TRPC5: variants seen among roughly 807,000 people sequenced by gnomAD.
The protein encoded by TRPC5 is short transient receptor potential channel 5.
A neutral mutation model predicts 56.5 loss-of-function variants in TRPC5; 9 were observed. That is an observed-to-expected ratio of 0.16 (90% CI 0.10 to 0.28). The LOEUF (loss-of-function observed/expected upper bound fraction) is 0.28. Ranked by LOEUF, TRPC5 falls within the 10% of genes least tolerant of loss-of-function variation. The probability of loss-of-function intolerance (pLI) is 1.00; values close to 1 mark genes in which losing one functional copy is unlikely to be tolerated. For synonymous variants in TRPC5, 282 were observed against 278.5 expected, an observed-to-expected ratio of 1.01 and a Z score of -0.13; for missense variants, 469 against 748.9, an observed-to-expected ratio of 0.63 and a Z score of 4.36.
At chrX:111,788,557 T>A (rs770765168) in intron 7 of TRPC5, among the ~76,000 whole-genome samples, 1 of 111,954 alleles carries the variant, frequency 8.9e-6, no homozygotes, top group Non-Finnish European at 1.9e-5. Flanking sequence ...TTGGAAGTTC[T>A]GGCCGGGGAA....
In TRPC5 at chrX:111,836,242, GC is replaced by G. The variant is rs1239066386; in HGVS notation, c.1701-1127del. Among the ~76,000 whole-genome samples the G allele has an allele frequency of 6.2e-5, 7 of 112,164 alleles. No homozygotes were observed. In the East Asian group the frequency reaches 2.0e-3, roughly 31 times the overall value. On this transcript the variant is annotated intron_variant, in intron 6 of 10. Coordinates refer to ENST00000262839, the MANE Select transcript of TRPC5 (RefSeq NM_012471.3). Reference sequence around the variant, plus strand: ...CTTTATATTCAGAAATCTGAATACAGCAATAAAATGCAGCCAGTTCGTGGGT... The same window carrying G: ...CTTTATATTCAGAAATCTGAATACAGAATAAAATGCAGCCAGTTCGTGGGT...
chrX:111,942,502 A>G (rs1926808508), intron 2 of TRPC5, among the ~76,000 whole-genome samples: 1 of 111,401 alleles, frequency 9.0e-6, no homozygotes, highest in Admixed American at 9.5e-5. Flanking sequence ...GGGGGGCAGG[A>G]GGTATTTGTG....
intron 1 of TRPC5, among the ~76,000 whole-genome samples, chrX:111,999,252 C>T (rs756960251): frequency 1.6e-4 from 18 of 111,631 alleles, no homozygotes; most frequent in African/African-American, 5.9e-4. Context: ...TCACCAACCT[C>T]TCCACACACC....
In TRPC5 at chrX:111,984,194, C is replaced by T. The variant is rs189416905; in HGVS notation, c.-21-31753G>A. On this transcript the variant is annotated intron_variant, in intron 1 of 10. Coordinates refer to ENST00000262839, the MANE Select transcript of TRPC5 (RefSeq NM_012471.3). ...AGGATGGCAAAATCCTAAGGGCCTG[C>T]GCTGTGATTCACTTCTAGGGGACTG... Among the ~76,000 whole-genome samples the T allele has an allele frequency of 1.9e-3, 214 of 111,382 alleles. 1 individual carries two copies. Among genetic ancestry groups the T allele is most frequent in the Admixed American group, 0.01 (107 of 10,431 alleles).
intron 1 of TRPC5, among the ~76,000 whole-genome samples, chrX:111,984,673 C>T (rs188696978): frequency 1.8e-5 from 2 of 111,751 alleles, no homozygotes; most frequent in East Asian, 5.6e-4. Flanking sequence ...AGCAGAATAT[C>T]ATCAATGTAA....
At chrX:111,986,591 G>T (rs1928218459) in intron 1 of TRPC5, among the ~76,000 whole-genome samples, 1 of 110,530 alleles carries the variant, frequency 9.0e-6, no homozygotes, top group South Asian at 3.9e-4. Context: ...GCAATGCAGG[G>T]TTAATCCTCT....
intron 3 of TRPC5, among the ~76,000 whole-genome samples, chrX:111,900,145 C>G (rs1925269868): frequency 8.9e-6 from 1 of 111,837 alleles, no homozygotes; most frequent in African/African-American, 3.2e-5. Context: ...TTTCTGTACT[C>G]CAATAAATAT....
chrX:111,837,914 A>G (rs2148578798), intron 6 of TRPC5, among the ~76,000 whole-genome samples: 1 of 106,139 alleles, frequency 9.4e-6, no homozygotes, highest in East Asian at 3.0e-4. Flanking sequence ...ATCAAAAAAA[A>G]AAAAAAAAAA....
chrX:111,907,462 T>C (rs1219878966), intron 3 of TRPC5, among the ~76,000 whole-genome samples: 1 of 109,450 alleles, frequency 9.1e-6, no homozygotes, highest in Non-Finnish European at 1.9e-5. Flanking sequence ...CTGTCTCTAC[T>C]AAAAATACAA....
chrX:111,934,957 A>G (rs1296202164), intron 2 of TRPC5, among the ~76,000 whole-genome samples: 1 of 112,351 alleles, frequency 8.9e-6, no homozygotes, highest in East Asian at 2.8e-4. Flanking sequence ...TCTTCAGTGT[A>G]CTGATTTCCT....
chrX:111,794,373 C>T (rs896529006), intron 7 of TRPC5, among the ~76,000 whole-genome samples: 5 of 111,156 alleles, frequency 4.5e-5, no homozygotes, highest in East Asian at 2.8e-4. Context: ...AATTAGGTAG[C>T]GCAATTCCAT....
At chrX:112,001,096 T>C (rs1334472764) in intron 1 of TRPC5, among the ~76,000 whole-genome samples, 4 of 112,560 alleles carry the variant, frequency 3.6e-5, no homozygotes, top group African/African-American at 6.5e-5. Context: ...AAATGTCAAG[T>C]ACATTCTTGC....
chrX:112,080,502 CA>C (rs1217787250), intron 1 of TRPC5, among the ~76,000 whole-genome samples: 2 of 109,714 alleles, frequency 1.8e-5, no homozygotes, highest in East Asian at 5.7e-4. Context: ...TTCCAGGGAC[CA>C]AAATGTGGAT....
rs1398377059 is a variant in TRPC5, at chrX:111,770,809, T to A, written c.*5504A>T. ...GAGTATTTTGGGGATATATTGAACTTCTGGGAAAAGATACAAAATGGCCAA... is the reference window on the plus strand; with the variant it reads ...GAGTATTTTGGGGATATATTGAACTACTGGGAAAAGATACAAAATGGCCAA... On this transcript the variant is annotated 3_prime_UTR_variant, in exon 11 of 11. Coordinates refer to ENST00000262839, the MANE Select transcript of TRPC5 (RefSeq NM_012471.3). Among the ~76,000 whole-genome samples the A allele has an allele frequency of 9.0e-6, 1 of 111,645 alleles. No homozygotes were observed. The highest frequency in any genetic ancestry group is 1.9e-5 in the Non-Finnish European group (1 of 53,142).
chrX:111,840,583 T>C (rs1329077295), intron 6 of TRPC5, among the ~76,000 whole-genome samples: 1 of 111,829 alleles, frequency 8.9e-6, no homozygotes, highest in African/African-American at 3.3e-5. Flanking sequence ...TATATTATAT[T>C]TGGCTATACG....
Position 111,849,738 on chromosome X carries a change from T to A in TRPC5, c.1378-2302A>T, listed in dbSNP as rs1923030394. ...AAAGATGTGGTACCATGGGAAAAAA[T>A]TTTTTAAAAGGTTGAGCACCACTGA... On this transcript the variant is annotated intron_variant, in intron 5 of 10. Coordinates refer to ENST00000262839, the MANE Select transcript of TRPC5 (RefSeq NM_012471.3). Among the ~76,000 whole-genome samples, 4 of 111,761 alleles carry A rather than the reference T, an allele frequency of 3.6e-5. No individual in the cohort carries two copies. In the Admixed American group the frequency reaches 3.8e-4, roughly 11 times the overall value.
chrX:111,963,122 A>G (rs1927436102), intron 1 of TRPC5, among the ~76,000 whole-genome samples: 1 of 112,251 alleles, frequency 8.9e-6, no homozygotes, highest in Admixed American at 9.4e-5. Context: ...GGTCACTCCC[A>G]CCCTAATACT....
intron 3 of TRPC5, among the ~76,000 whole-genome samples, chrX:111,875,654 T>C (rs188103091): frequency 1.9e-5 from 2 of 106,169 alleles, no homozygotes; most frequent in Admixed American, 1.0e-4. Context: ...CATTCTTTGA[T>C]TAATGTGATG....
chrX:111,821,714 T>C (rs1028878420), intron 7 of TRPC5, among the ~76,000 whole-genome samples: 7 of 112,273 alleles, frequency 6.2e-5, no homozygotes, highest in African/African-American at 1.9e-4. Flanking sequence ...TGATTCCTGG[T>C]GCCCAGAACA....
Sources: gnomAD v4.1 joint callset for allele counts (sites outside exome capture counted in the v4.1 genomes callset) on GRCh38, gnomAD v4.1.1 for gene constraint, MANE v1.5 for transcripts, NCBI Gene and HGNC (gene_info 2026-07-23, HGNC 2026-07-21) for gene names.